Variants in PATL1 observed in about 807,000 individuals in gnomAD.
PATL1 encodes PAT1 homolog 1, processing body mRNA decay factor.
In PATL1, 32 loss-of-function variants were observed where a neutral mutation model predicts 100.6. The observed-to-expected ratio is 0.32, with a 90% CI of 0.24 to 0.43. The LOEUF is 0.43. Ranked by LOEUF, PATL1 falls within the 20% of genes least tolerant of loss-of-function variation. The pLI is 1.00. For missense variants in PATL1, 747 were observed against 949.9 expected, an observed-to-expected ratio of 0.79 and a Z score of 2.81; for synonymous variants, 332 against 330.0, an observed-to-expected ratio of 1.01 and a Z score of -0.07.
chr11:59,655,977 T>C lies in PATL1; in HGVS notation c.792A>G (p.Ala264=), dbSNP rs1249310148. The change falls in exon 7 of 19, where the codon GCA becomes GCG. Residue 264 remains alanine (A), a synonymous_variant. Transcript: ENST00000300146. ...TTACCTGTGCTCCTCCAAGAAGCTG[T>C]GCTCTCTGGAGGGGGCTGAGAACAG... The part of the protein sequence containing the change: ...VPPVLSPLQR[A]QLLGGAQLQP... 1.9e-6 allele frequency: 3 copies of C among 1,598,392 alleles called. No homozygotes were observed. In the East Asian group the frequency reaches 6.7e-5, roughly 36 times the overall value.
chr11:59,668,840 C>G, intron 1 of PATL1, 41 bp downstream of exon 1: 1 of 814,950 alleles, frequency 1.2e-6, no homozygotes, highest in Admixed American at 2.8e-5. Context: ...GAGAGGGGCG[C>G]GGGAGGGAGG....
intron 15 of PATL1, among the ~76,000 whole-genome samples, chr11:59,643,299 A>G (rs983643443): frequency 2.0e-5 from 3 of 152,128 alleles, no homozygotes; most frequent in Non-Finnish European, 4.4e-5. Context: ...GAGTTATGCT[A>G]AAACATCAAT....
intron 11 of PATL1, among the ~76,000 whole-genome samples, chr11:59,652,064 CAAAAAAAAAAAAAAAA>C (rs748019832): frequency 7.5e-5 from 4 of 52,996 alleles, no homozygotes; most frequent in South Asian, 1.3e-3. Flanking sequence ...GGCTCTTTCT[CAAAAAAAAAAAAAAAA>C]AAAAAAAAAA....
chr11:59,643,525 G>A (rs754381332), intron 15 of PATL1, among the ~76,000 whole-genome samples: 22 of 151,796 alleles, frequency 1.4e-4, no homozygotes, highest in Admixed American at 1.0e-3. Context: ...TCTGGACAAC[G>A]TAGTGAGACC....
chr11:59,644,222 T>C (rs997315626), intron 15 of PATL1, among the ~76,000 whole-genome samples: 8 of 152,230 alleles, frequency 5.3e-5, no homozygotes, highest in African/African-American at 1.4e-4. Context: ...ATTAAATCTA[T>C]GTTCCTTCTG....
At chr11:59,645,908 GTATT>G (rs1861358091) in intron 15 of PATL1, among the ~76,000 whole-genome samples, 1 of 152,172 alleles carries the variant, frequency 6.6e-6, no homozygotes, top group Admixed American at 6.5e-5. Context: ...CAAGAAAATG[GTATT>G]TAGAGATGTG....
Position 59,655,726 on chromosome 11 carries a change from C to T in PATL1, c.828G>A (p.Arg276=), listed in dbSNP as rs1304040382. ...CCCGTGCAAACTGGCTGGGAGACATCCGTCCAGGCTGTAGCTACAAAGAGG... is the reference window on the plus strand; with the variant it reads ...CCCGTGCAAACTGGCTGGGAGACATTCGTCCAGGCTGTAGCTACAAAGAGG... ...LLGGAQLQPG[R]MSPSQFARVP... Residue 276 remains arginine, a synonymous_variant, in exon 8 of 19, where the codon CGG becomes CGA. Transcript: ENST00000300146. 3.1e-6 allele frequency: 5 copies of T among 1,594,256 alleles called. No homozygotes were observed. The highest frequency in any genetic ancestry group is 4.3e-6 in the Non-Finnish European group (5 of 1,170,300).
intron 15 of PATL1, among the ~76,000 whole-genome samples, chr11:59,647,415 C>A (rs1861380234): frequency 6.6e-6 from 1 of 152,112 alleles, no homozygotes; most frequent in Admixed American, 6.5e-5. Flanking sequence ...GACTAAGATA[C>A]AAAAACCCTA....
chr11:59,659,019 A>G lies in PATL1; in HGVS notation c.346-73T>C, dbSNP rs550173468. ...TGGGTGACTTATCTGCTGCTGGGGA[A>G]CAAGGTTCCAAAAGAGCCTCAAGCT... On this transcript the variant is annotated intron_variant, in intron 3 of 18. Transcript: ENST00000300146. 2,988 of 1,338,494 alleles carry G rather than the reference A, an allele frequency of 2.2e-3. 5 individuals are homozygous for G. Among genetic ancestry groups the G allele is most frequent in the Non-Finnish European group, 2.5e-3 (2,442 of 973,688 alleles). The allele number at this position is 1,338,494 out of a possible 1,614,324, so 82.9% of individuals were successfully genotyped here. A position where few individuals can be genotyped will look rare whatever the true frequency, so the allele number is the denominator to read the frequency against.
chr11:59,658,036 C>T (rs1237159696), intron 4 of PATL1, among the ~76,000 whole-genome samples: 2 of 151,452 alleles, frequency 1.3e-5, no homozygotes, highest in Non-Finnish European at 2.9e-5. Context: ...TGGTGGCATG[C>T]ACCTGTAGTC....
chr11:59,638,326 C>T lies in PATL1; in HGVS notation c.*64G>A, dbSNP rs1003855934. 2 of 1,526,090 alleles carry T rather than the reference C, an allele frequency of 1.3e-6. No individual in the cohort carries two copies. Among genetic ancestry groups the T allele is most frequent in the Non-Finnish European group, 1.8e-6 (2 of 1,104,140 alleles). The allele number at this position is 1,526,090 out of a possible 1,614,324, so 94.5% of individuals were successfully genotyped here. The stretch of plus-strand genomic sequence containing the variant: ...CTTCCTTCCCTCATTAAAAACACTC[C>T]ATTGGTGATGGCAGCAGTGCAGGTG... On this transcript the variant is annotated 3_prime_UTR_variant, in exon 19 of 19. Coordinates refer to ENST00000300146, the MANE Select transcript of PATL1 (RefSeq NM_152716.3).
chr11:59,641,785 G>GA (rs542237167), intron 16 of PATL1, among the ~76,000 whole-genome samples: 8 of 151,720 alleles, frequency 5.3e-5, no homozygotes, highest in African/African-American at 9.7e-5. Flanking sequence ...GTTATTCTCA[G>GA]AAAAAAAATA....
chr11:59,642,549 C>G (rs910308932), intron 16 of PATL1: 1 of 181,976 alleles, frequency 5.5e-6, no homozygotes, highest in African/African-American at 2.4e-5. Context: ...TGATGTAAAG[C>G]TGAATCATGA....
At position 59,652,924 on chromosome 11, in the gene PATL1, A is replaced by C. The variant is rs1378856226; in HGVS notation, c.1216T>G (p.Leu406Val). The C allele has an allele frequency of 7.4e-6, 12 of 1,613,888 alleles. No individual in the cohort carries two copies. Among genetic ancestry groups the C allele is most frequent in the Non-Finnish European group, 7.6e-6 (9 of 1,179,896 alleles). The change falls in exon 10 of 19, where the codon TTG (leucine) becomes GTG (valine). Residue 406 changes from leucine (L) to valine (V), a missense_variant. By Grantham distance (32) the Leu-to-Val change is conservative. Coordinates refer to ENST00000300146, the MANE Select transcript of PATL1 (RefSeq NM_152716.3). Reference sequence around the variant, plus strand: ...GAGACCCAATCCTTTTCCCGCTGCAACATGAGATTGGCATATGGATCCTTT... The same window carrying C: ...GAGACCCAATCCTTTTCCCGCTGCACCATGAGATTGGCATATGGATCCTTT... The part of the protein sequence containing the change: ...LRKDPYANLM[L>V]QREKDWVSKI...
At chr11:59,655,403 A>C in intron 8 of PATL1, 120 bp downstream of exon 8, 2 of 921,362 alleles carry the variant, frequency 2.2e-6, no homozygotes, top group Non-Finnish European at 3.2e-6. Flanking sequence ...TGCCAACTTG[A>C]GGATCCAATA....
In PATL1 at chr11:59,668,949, G is replaced by A; in HGVS notation, c.-54C>T. On this transcript the variant is annotated 5_prime_UTR_variant, in exon 1 of 19. Transcript: ENST00000300146. ...GGGGAGAGGGGGAGGGAGGGAAGAAGCGCTGACTCCCCGGCTCCTCCGCGC... is the reference window on the plus strand; with the variant it reads ...GGGGAGAGGGGGAGGGAGGGAAGAAACGCTGACTCCCCGGCTCCTCCGCGC... 2.6e-6 allele frequency: 1 copy of A among 383,264 alleles called. No individual in the cohort carries two copies. The highest frequency in any genetic ancestry group is 5.5e-5 in the South Asian group (1 of 18,058). 23.7% of individuals were successfully genotyped at this position (383,264 alleles called of 1,614,324 possible). A position where few individuals can be genotyped will look rare whatever the true frequency, so the allele number is the denominator to read the frequency against.
intron 4 of PATL1, 83 bp from the exon 5 acceptor site, chr11:59,657,807 T>C (rs564028363): frequency 8.6e-4 from 904 of 1,050,284 alleles, no homozygotes; most frequent in Non-Finnish European, 1.1e-3. Context: ...AAAAATACCT[T>C]AAGAAATTTT....
At chr11:59,648,026 T>C (rs1861387471) in intron 14 of PATL1, 113 bp from the exon 15 acceptor site, 5 of 833,536 alleles carry the variant, frequency 6.0e-6, no homozygotes, top group African/African-American at 1.7e-5. Flanking sequence ...CATTCTCTAA[T>C]AACCTGTACT....
intron 1 of PATL1, among the ~76,000 whole-genome samples, chr11:59,667,448 C>A (rs1861707029): frequency 6.6e-6 from 1 of 152,112 alleles, no homozygotes; most frequent in South Asian, 2.1e-4. Context: ...TCTTTCTTAT[C>A]TTCCCTATAG....
Sources: gnomAD v4.1 joint callset for allele counts (sites outside exome capture counted in the v4.1 genomes callset) on GRCh38, gnomAD v4.1.1 for gene constraint, MANE v1.5 for transcripts, NCBI Gene and HGNC (gene_info 2026-07-23, HGNC 2026-07-21) for gene names.